The following LRMDA variants were observed in gnomAD, a reference collection of about 807,000 sequenced individuals.
LRMDA encodes leucine rich melanocyte differentiation associated, also known as leucine-rich melanocyte differentiation-associated protein.
Under a neutral mutation model 29.8 loss-of-function variants are expected in LRMDA, and 18 were observed. That is an observed-to-expected ratio of 0.60 (90% confidence interval 0.42 to 0.90). LRMDA has a LOEUF of 0.90. Among genes scored for constraint, LRMDA ranks in the 40% least tolerant of loss-of-function variants. LRMDA has a pLI of 0.00. For missense variants in LRMDA, 273 were observed against 273.9 expected, an observed-to-expected ratio of 1.00 and a Z score of 0.02; for synonymous variants, 125 against 109.4, an observed-to-expected ratio of 1.14 and a Z score of -0.89.
At chr10:75,717,187 A>G (rs540497742) in intron 2 of LRMDA, among the ~76,000 whole-genome samples, 1 of 152,300 alleles carries the variant, frequency 6.6e-6, no homozygotes, top group Non-Finnish European at 1.5e-5. Flanking sequence ...GAAGAGGGCT[A>G]GTGGAGCTCA....
At chr10:76,222,535 G>A (rs1461489215) in intron 5 of LRMDA, among the ~76,000 whole-genome samples, 1 of 152,130 alleles carries the variant, frequency 6.6e-6, no homozygotes, top group African/African-American at 2.4e-5. Flanking sequence ...CACCATCACT[G>A]GCCATCAGAG....
At chr10:75,511,218 C>T (rs1845222267) in intron 2 of LRMDA, among the ~76,000 whole-genome samples, 1 of 152,036 alleles carries the variant, frequency 6.6e-6, no homozygotes, top group African/African-American at 2.4e-5. Flanking sequence ...ATCTGTAGTC[C>T]CACCTACTCG....
intron 2 of LRMDA, among the ~76,000 whole-genome samples, chr10:75,948,329 A>G (rs1348010808): frequency 6.6e-6 from 1 of 152,198 alleles, no homozygotes; most frequent in Non-Finnish European, 1.5e-5. Context: ...GCAGGTTAGG[A>G]ACTGATATCC....
chr10:76,363,203 AGGG>A lies in LRMDA; in HGVS notation c.601+38719_601+38721del, dbSNP rs1564520702. Among the ~76,000 whole-genome samples, 23 of 18,882 alleles carry A rather than the reference AGGG, an allele frequency of 1.2e-3. 1 individual carries two copies. The highest frequency in any genetic ancestry group is 4.0e-3 in the African/African-American group (17 of 4,300). 12.4% of individuals were successfully genotyped at this position (18,882 alleles called of 152,430 possible). A position where few individuals can be genotyped will look rare whatever the true frequency, so the allele number is the denominator to read the frequency against. ...GAGGGAGGGAGGGAGGGAGGGAGGGAGGGAGGGAAGGAAGAGAAAGAAAGAAAG... is the reference window on the plus strand; with the variant it reads ...GAGGGAGGGAGGGAGGGAGGGAGGGAAGGGAAGGAAGAGAAAGAAAGAAAG... On this transcript the variant is annotated intron_variant, in intron 6 of 6. Coordinates refer to ENST00000611255, the MANE Select transcript of LRMDA (RefSeq NM_001305581.2).
intron 2 of LRMDA, among the ~76,000 whole-genome samples, chr10:75,753,326 G>T (rs1253188509): frequency 6.6e-6 from 1 of 152,144 alleles, no homozygotes; most frequent in Non-Finnish European, 1.5e-5. Context: ...GAGGAGACAG[G>T]TGATAGATAA....
intron 2 of LRMDA, among the ~76,000 whole-genome samples, chr10:75,945,887 G>C (rs919555706): frequency 6.6e-6 from 1 of 152,238 alleles, no homozygotes; most frequent in Middle Eastern, 3.4e-3. Flanking sequence ...TAAGTTCAGA[G>C]AGGGGATGTG....
At chr10:75,723,683 T>C (rs1842596874) in intron 2 of LRMDA, among the ~76,000 whole-genome samples, 1 of 152,186 alleles carries the variant, frequency 6.6e-6, no homozygotes, top group African/African-American at 2.4e-5. Context: ...ATATGACTCT[T>C]AACAGAAGTG....
chr10:76,548,172 C>G (rs908832419), intron 6 of LRMDA, among the ~76,000 whole-genome samples: 3 of 152,170 alleles, frequency 2.0e-5, no homozygotes, highest in African/African-American at 7.2e-5. Context: ...GGTGCCTGGT[C>G]CGGTTCTGTC....
intron 2 of LRMDA, among the ~76,000 whole-genome samples, chr10:75,464,709 A>G (rs1363408095): frequency 6.6e-6 from 1 of 152,142 alleles, no homozygotes; most frequent in Non-Finnish European, 1.5e-5. Context: ...TGCAGTGTTT[A>G]TTTTCGGATG....
chr10:75,896,580 A>G (rs1359020726), intron 2 of LRMDA, among the ~76,000 whole-genome samples: 2 of 152,168 alleles, frequency 1.3e-5, no homozygotes, highest in Non-Finnish European at 2.9e-5. Flanking sequence ...GTGTCTGGGT[A>G]AGTAGTCATT....
intron 2 of LRMDA, among the ~76,000 whole-genome samples, chr10:75,708,749 C>A (rs1018058921): frequency 6.6e-6 from 1 of 152,180 alleles, no homozygotes; most frequent in Non-Finnish European, 1.5e-5. Flanking sequence ...GAACATCCTG[C>A]AACTTTGGAA....
intron 2 of LRMDA, among the ~76,000 whole-genome samples, chr10:75,840,585 G>C (rs1334881602): frequency 6.6e-6 from 1 of 152,194 alleles, no homozygotes; most frequent in African/African-American, 2.4e-5. Context: ...GTGCACACGA[G>C]TGAGCACGCA....
At position 76,122,586 on chromosome 10, in the gene LRMDA, G is replaced by A. The variant is rs545821277; in HGVS notation, c.516+63803G>A. On this transcript the variant is annotated intron_variant, in intron 5 of 6. Transcript: ENST00000611255. ...ATATGAAAATGCTTAGAATAAACCT[G>A]CATATAATAAATGCTATACAAATGT... 2.0e-5 allele frequency among the ~76,000 whole-genome samples: 3 copies of A among 152,218 alleles called. No individual in the cohort carries two copies. The East Asian group carries it at 5.8e-4, about 29-fold the overall frequency.
chr10:75,456,843 T>A (rs985998634), intron 2 of LRMDA, among the ~76,000 whole-genome samples: 1 of 152,164 alleles, frequency 6.6e-6, no homozygotes, highest in Admixed American at 6.5e-5. Context: ...TCCCAGCTAA[T>A]TTTTGTATTT....
At chr10:75,883,069 T>G (rs1845321208) in intron 2 of LRMDA, among the ~76,000 whole-genome samples, 1 of 152,150 alleles carries the variant, frequency 6.6e-6, no homozygotes, top group Non-Finnish European at 1.5e-5. Context: ...ATCCCCCAGG[T>G]CAGGAAACCT....
chr10:75,911,842 A>G (rs1325644057), intron 2 of LRMDA, among the ~76,000 whole-genome samples: 1 of 152,170 alleles, frequency 6.6e-6, no homozygotes, highest in Non-Finnish European at 1.5e-5. Context: ...TGGGTGCTTG[A>G]GGCTGAATAA....
chr10:75,661,729 G>T (rs781606043), intron 2 of LRMDA, among the ~76,000 whole-genome samples: 1 of 152,180 alleles, frequency 6.6e-6, no homozygotes, highest in Admixed American at 6.5e-5. Flanking sequence ...AAACACACAT[G>T]ATGTACAGAT....
At chr10:75,851,853 C>G (rs1844737814) in intron 2 of LRMDA, among the ~76,000 whole-genome samples, 1 of 152,214 alleles carries the variant, frequency 6.6e-6, no homozygotes, top group Non-Finnish European at 1.5e-5. Flanking sequence ...AGTACGGCTG[C>G]CTGCAAATTG....
At chr10:75,489,256 G>T (rs1401228214) in intron 2 of LRMDA, among the ~76,000 whole-genome samples, 2 of 148,722 alleles carry the variant, frequency 1.3e-5, no homozygotes, top group African/African-American at 5.0e-5. Flanking sequence ...AATTTCACTA[G>T]CTGAGGATGA....
Sources: allele counts gnomAD v4.1 joint callset (sites outside exome capture counted in the v4.1 genomes callset), GRCh38; gene constraint gnomAD v4.1.1; transcripts MANE v1.5; gene names NCBI Gene and HGNC (gene_info 2026-07-23, HGNC 2026-07-21).